The following CS variants were observed in gnomAD, a reference collection of about 807,000 sequenced individuals.
CS encodes the protein citrate synthase, mitochondrial.
Under a neutral mutation model 61.4 loss-of-function variants are expected in CS, and 13 were observed. The observed-to-expected ratio is 0.21, with a 90% confidence interval of 0.14 to 0.34. The LOEUF (loss-of-function observed/expected upper bound fraction) is 0.34, where lower values mean the gene tolerates loss of function less well. Ranked by LOEUF, CS falls within the 10% of genes least tolerant of loss-of-function variation. The probability of loss-of-function intolerance (pLI) is 1.00; values close to 1 mark genes in which losing one functional copy is unlikely to be tolerated. For missense variants in CS, 278 were observed against 573.4 expected, an observed-to-expected ratio of 0.48 and a Z score of 5.26; for synonymous variants, 159 against 215.2, an observed-to-expected ratio of 0.74 and a Z score of 2.29.
chr12:56,274,922 C>T (rs758132947), intron 8 of CS, 44 bp from the exon 9 acceptor site: 1 of 1,606,974 alleles, frequency 6.2e-7, no homozygotes, highest in East Asian at 2.2e-5. Context: ...AATACATATG[C>T]CAGAAGAGAA....
rs775113378 is a variant in CS, at chr12:56,282,879, T to A, written c.380A>T (p.His127Leu). The change falls in exon 5 of 11, where the codon CAT (histidine) becomes CTT (leucine). Residue 127 changes from histidine (H) to leucine (L), a missense_variant. Coordinates refer to ENST00000351328, the MANE Select transcript of CS (RefSeq NM_004077.3). ...CTTTACCTGTTCCTCTGTTGGGATA[T>A]GTCCAGTTACCAGCAGCCAAAATAA... Reference protein sequence around the residue: ...EGLFWLLVTGHIPTEEQVSWL... With the variant: ...EGLFWLLVTGLIPTEEQVSWL... 1 of 1,614,110 alleles carries A rather than the reference T, an allele frequency of 6.2e-7. No homozygotes were observed. Among genetic ancestry groups the A allele is most frequent in the East Asian group, 2.2e-5 (1 of 44,902 alleles).
chr12:56,281,868 AT>A (rs1035386760), intron 6 of CS, among the ~76,000 whole-genome samples: 5 of 151,108 alleles, frequency 3.3e-5, no homozygotes, highest in Non-Finnish European at 5.9e-5. Flanking sequence ...AGACTATGGA[AT>A]TTTTTTTTAG....
chr12:56,275,249 C>T (rs1160095296), intron 7 of CS, 118 bp from the exon 8 acceptor site: 2 of 1,219,282 alleles, frequency 1.6e-6, no homozygotes, highest in African/African-American at 3.0e-5. Context: ...CAGCCTATAG[C>T]CAGTCAGTTA....
intron 2 of CS, chr12:56,286,345 T>G: frequency 1.8e-6 from 1 of 540,726 alleles, no homozygotes. Context: ...GTTATGTATA[T>G]TTTACACTAC....
rs771987015 is a variant in CS at position 56,282,633 on chromosome 12, G to A, written c.400-25C>T. 1.1e-5 allele frequency: 18 copies of A among 1,585,164 alleles called. No homozygotes were observed. The Admixed American group carries it at 3.3e-4, about 29-fold the overall frequency. ...CCTGTGGAAAAAGAGACAGTGCTCA[G>A]AACACCAGCAAGGACAAGGAAGGAG... On this transcript the variant is annotated intron_variant, in intron 5 of 10. Coordinates refer to ENST00000351328, the MANE Select transcript of CS (RefSeq NM_004077.3).
chr12:56,280,052 C>T (rs991674258), intron 6 of CS, among the ~76,000 whole-genome samples: 4 of 151,722 alleles, frequency 2.6e-5, no homozygotes, highest in African/African-American at 4.8e-5. Flanking sequence ...AAGAGGTGGG[C>T]GAATCACCTG....
At chr12:56,292,368 C>A (rs1380700979) in intron 1 of CS, among the ~76,000 whole-genome samples, 2 of 148,294 alleles carry the variant, frequency 1.3e-5, no homozygotes, top group Non-Finnish European at 3.0e-5. Flanking sequence ...TCCAGCCTGG[C>A]TGACAGAGCA....
At chr12:56,293,379 G>A (rs551060949) in intron 1 of CS, among the ~76,000 whole-genome samples, 2 of 152,240 alleles carry the variant, frequency 1.3e-5, no homozygotes, top group African/African-American at 4.8e-5. Flanking sequence ...CAGCATTTCT[G>A]AATTAAAAAG....
At chr12:56,288,227 A>G (rs1171946209) in intron 1 of CS, among the ~76,000 whole-genome samples, 1 of 152,118 alleles carries the variant, frequency 6.6e-6, no homozygotes, top group Admixed American at 6.6e-5. Context: ...GCAAGGCTGC[A>G]CCTGTCCTTT....
chr12:56,292,761 G>A (rs1195232976), intron 1 of CS, among the ~76,000 whole-genome samples: 8 of 149,500 alleles, frequency 5.4e-5, no homozygotes, highest in East Asian at 2.0e-4. Flanking sequence ...AAAATTAGCC[G>A]GGCGTCATGG....
chr12:56,276,481 T>A (rs1241733797), intron 6 of CS, among the ~76,000 whole-genome samples: 1 of 152,222 alleles, frequency 6.6e-6, no homozygotes, highest in Non-Finnish European at 1.5e-5. Flanking sequence ...ATGACTGCCA[T>A]TTTAAAGATG....
In CS at chr12:56,284,899, A is replaced by C. The variant is rs1399880998; in HGVS notation, c.201+1017T>G. The stretch of plus-strand genomic sequence containing the variant: ...GGTGACTCAGTGAGACTCCGTCCCA[A>C]AAAAAAAAAAAAAAACAGGGTTTTG... On this transcript the variant is annotated intron_variant, in intron 3 of 10. Transcript: ENST00000351328. Among the ~76,000 whole-genome samples, 15 of 2,800 alleles carry C rather than the reference A, an allele frequency of 5.4e-3. No individual in the cohort carries two copies. The Non-Finnish European group carries it at 0.12, about 22-fold the overall frequency. 1.8% of individuals were successfully genotyped at this position (2,800 alleles called of 152,430 possible).
At chr12:56,296,446 A>C (rs1592415300) in intron 1 of CS, among the ~76,000 whole-genome samples, 1 of 152,076 alleles carries the variant, frequency 6.6e-6, no homozygotes, top group African/African-American at 2.4e-5. Context: ...CCCAAAAAAA[A>C]CCCAAAACAG....
intron 1 of CS, chr12:56,291,379 G>A: frequency 3.1e-6 from 2 of 654,372 alleles, no homozygotes; most frequent in Non-Finnish European, 3.9e-6. Flanking sequence ...AGGCATCAAG[G>A]AAAAGATACC....
chr12:56,273,407 T>G, intron 10 of CS, 153 bp from the exon 11 acceptor site: 1 of 971,930 alleles, frequency 1.0e-6, no homozygotes, highest in Non-Finnish European at 1.5e-6. Context: ...GAGAAAAGTA[T>G]AGCAATTGGG....
chr12:56,295,941 G>C (rs2643623), intron 1 of CS, among the ~76,000 whole-genome samples: 105,389 of 126,350 alleles, frequency 0.83, 45,556 homozygotes, highest in South Asian at 0.98. Context: ...GCGACAGAGC[G>C]AAACTGTCTC....
chr12:56,283,490 G>A (rs1872839151), intron 4 of CS, among the ~76,000 whole-genome samples: 1 of 152,094 alleles, frequency 6.6e-6, no homozygotes, highest in South Asian at 2.1e-4. Context: ...TGATCTGCCC[G>A]CCTCAGCCTC....
chr12:56,280,032 C>G lies in CS; in HGVS notation c.588+2388G>C, dbSNP rs576985589. Among the ~76,000 whole-genome samples, 3 of 152,200 alleles carry G rather than the reference C, an allele frequency of 2.0e-5. No individual in the cohort carries two copies. In the South Asian group the frequency reaches 6.2e-4, roughly 32 times the overall value. ...TGGTGGCTCACGCCTATAATCCCAGCACTTTGGGGAAGAGGTGGGCGAATC... is the reference window on the plus strand; with the variant it reads ...TGGTGGCTCACGCCTATAATCCCAGGACTTTGGGGAAGAGGTGGGCGAATC... On this transcript the variant is annotated intron_variant, in intron 6 of 10. Coordinates refer to ENST00000351328, the MANE Select transcript of CS (RefSeq NM_004077.3).
At chr12:56,284,663 A>G (rs1289238625) in intron 3 of CS, among the ~76,000 whole-genome samples, 1 of 147,324 alleles carries the variant, frequency 6.8e-6, no homozygotes, top group African/African-American at 2.5e-5. Context: ...GCACTTTGGG[A>G]GGCCAAGGCG....
Sources: gnomAD v4.1 joint callset for allele counts (sites outside exome capture counted in the v4.1 genomes callset) on GRCh38, gnomAD v4.1.1 for gene constraint, MANE v1.5 for transcripts, NCBI Gene and HGNC (gene_info 2026-07-23, HGNC 2026-07-21) for gene names.